The following KDM4C variants were observed in gnomAD, a reference collection of about 807,000 sequenced individuals.
KDM4C encodes the protein lysine demethylase 4C, also known as lysine-specific demethylase 4C.
Under a neutral mutation model 129.3 loss-of-function variants are expected in KDM4C, and 81 were observed. That is an observed-to-expected ratio of 0.63 (90% CI 0.52 to 0.75). The LOEUF (loss-of-function observed/expected upper bound fraction) is 0.75. KDM4C is among the 30% of genes least tolerant of loss of function. The probability of loss-of-function intolerance (pLI) is 0.00; values close to 1 mark genes in which losing one functional copy is unlikely to be tolerated. For missense variants in KDM4C, 1,457 were observed against 1,304.0 expected (o/e 1.12, Z -1.81); for synonymous variants, 573 against 456.1 (o/e 1.26, Z -3.26).
intron 1 of KDM4C, among the ~76,000 whole-genome samples, chr9:6,748,112 G>C (rs1402460687): frequency 6.6e-6 from 1 of 151,820 alleles, no homozygotes; most frequent in African/African-American, 2.4e-5. Context: ...GTTGCAGTGA[G>C]CAGAGATCGC....
intron 4 of KDM4C, chr9:6,815,187 A>T (rs1160633231): frequency 6.6e-6 from 1 of 151,274 alleles, no homozygotes; most frequent in African/African-American, 2.4e-5. Context: ...GACAAATTGT[A>T]ATATATATAT....
intron 4 of KDM4C, among the ~76,000 whole-genome samples, chr9:6,824,925 C>T (rs1833639903): frequency 6.6e-6 from 1 of 151,896 alleles, no homozygotes; most frequent in African/African-American, 2.4e-5. Context: ...GGGTGGATCA[C>T]CTGAGGTCAA....
At chr9:6,888,124 G>T in intron 7 of KDM4C, 61 bp downstream of exon 7, 1 of 851,636 alleles carries the variant, frequency 1.2e-6, no homozygotes, top group Non-Finnish European at 1.8e-6. Context: ...TATTTAAGAA[G>T]TAATGTATCT....
At chr9:7,171,187 G>A (rs1427747416) in intron 21 of KDM4C, among the ~76,000 whole-genome samples, 1 of 152,112 alleles carries the variant, frequency 6.6e-6, no homozygotes, top group African/African-American at 2.4e-5. Context: ...ATCGTCAAGA[G>A]GAGTGGTGGT....
chr9:6,753,741 C>G (rs1044377253), upstream of KDM4C, among the ~76,000 whole-genome samples: 3 of 152,026 alleles, frequency 2.0e-5, no homozygotes, highest in African/African-American at 7.3e-5. Flanking sequence ...GCAGTTACGG[C>G]ATTAATTCAT....
Position 6,763,921 on chromosome 9 carries a change from C to G in KDM4C, c.-18+5718C>G, listed in dbSNP as rs536518689. ...TACAGGCCTGCGCTACCACGCCCAG[C>G]TAATTTTGTGTTTTTAGTAGAGACG... On this transcript the variant is annotated intron_variant, in intron 1 of 21. Transcript: ENST00000381309. Among the ~76,000 whole-genome samples, 86 of 152,246 alleles carry G rather than the reference C, an allele frequency of 5.6e-4. 1 individual carries two copies. The highest frequency in any genetic ancestry group is 2.0e-3 in the African/African-American group (82 of 41,558).
intron 19 of KDM4C, among the ~76,000 whole-genome samples, chr9:7,143,246 G>A (rs1043282749): frequency 5.3e-5 from 8 of 152,168 alleles, no homozygotes; most frequent in African/African-American, 1.9e-4. Flanking sequence ...TCTGTTTCAA[G>A]GAAAGTAACT....
intron 12 of KDM4C, among the ~76,000 whole-genome samples, chr9:7,004,079 G>A (rs1377714806): frequency 6.6e-6 from 1 of 152,192 alleles, no homozygotes; most frequent in African/African-American, 2.4e-5. Flanking sequence ...CCAAGCAGCA[G>A]AATGAGTGTG....
At chr9:7,144,601 C>G (rs1191921856) in intron 19 of KDM4C, among the ~76,000 whole-genome samples, 1 of 152,234 alleles carries the variant, frequency 6.6e-6, no homozygotes, top group Admixed American at 6.5e-5. Flanking sequence ...TCATCTCTGA[C>G]TATAAACATT....
At chr9:7,028,307 G>A (rs1826138860) in intron 15 of KDM4C, among the ~76,000 whole-genome samples, 1 of 151,804 alleles carries the variant, frequency 6.6e-6, no homozygotes, top group Admixed American at 6.6e-5. Context: ...AGCAGATGAT[G>A]GGTCTTGCCA....
intron 8 of KDM4C, among the ~76,000 whole-genome samples, chr9:6,965,262 C>G (rs550500009): frequency 6.6e-6 from 1 of 151,322 alleles, no homozygotes; most frequent in Non-Finnish European, 1.5e-5. Flanking sequence ...TCTAAAACCA[C>G]ATATCAATTT....
chr9:6,927,257 G>T (rs1822801693), intron 8 of KDM4C, among the ~76,000 whole-genome samples: 1 of 152,104 alleles, frequency 6.6e-6, no homozygotes, highest in African/African-American at 2.4e-5. Flanking sequence ...AGCCTCCTGA[G>T]TAGTTGGGAT....
intron 15 of KDM4C, among the ~76,000 whole-genome samples, chr9:7,038,182 C>T (rs755824565): frequency 2.0e-5 from 3 of 152,070 alleles, no homozygotes; most frequent in Non-Finnish European, 4.4e-5. Flanking sequence ...TTAAATTGTA[C>T]GTTTCTTGTA....
intron 1 of KDM4C, among the ~76,000 whole-genome samples, chr9:6,731,013 C>G (rs1227899100): frequency 2.6e-5 from 4 of 152,170 alleles, no homozygotes; most frequent in Non-Finnish European, 5.9e-5. Flanking sequence ...TCAGGCCATC[C>G]TTAGTTCGCT....
At chr9:6,885,466 T>C (rs918322112) in intron 6 of KDM4C, among the ~76,000 whole-genome samples, 16 of 152,182 alleles carry the variant, frequency 1.1e-4, no homozygotes, top group African/African-American at 3.9e-4. Flanking sequence ...TTATTGTGGA[T>C]TGCTTTTAGG....
chr9:6,814,520 A>G, intron 3 of KDM4C, 111 bp from the exon 4 acceptor site: 3 of 586,746 alleles, frequency 5.1e-6, no homozygotes, highest in Non-Finnish European at 8.8e-6. Context: ...AACATGCAGT[A>G]TTTTCGTTTT....
At chr9:7,065,879 T>A (rs1263701512) in intron 17 of KDM4C, among the ~76,000 whole-genome samples, 1 of 152,136 alleles carries the variant, frequency 6.6e-6, no homozygotes, top group East Asian at 1.9e-4. Context: ...TGACTGTAGT[T>A]TGAAAAAGCA....
chr9:7,030,704 A>G (rs1826581127), intron 15 of KDM4C, among the ~76,000 whole-genome samples: 1 of 152,238 alleles, frequency 6.6e-6, no homozygotes, highest in South Asian at 2.1e-4. Context: ...TTGTATTTTA[A>G]ATTCCATTTT....
At chr9:6,789,218 ATT>A (rs71308871) in intron 1 of KDM4C, among the ~76,000 whole-genome samples, 9 of 117,296 alleles carry the variant, frequency 7.7e-5, no homozygotes, top group Admixed American at 9.5e-5. Flanking sequence ...CGCCTGGCTA[ATT>A]TTTTTTTTTT....
Sources: gnomAD v4.1 joint callset for allele counts (sites outside exome capture counted in the v4.1 genomes callset) on GRCh38, gnomAD v4.1.1 for gene constraint, MANE v1.5 for transcripts, NCBI Gene and HGNC (gene_info 2026-07-23, HGNC 2026-07-21) for gene names.